The following HDAC4 variants were observed in gnomAD, a reference collection of about 807,000 sequenced individuals.
HDAC4 encodes histone deacetylase 4.
In HDAC4, 16 loss-of-function variants were observed where a neutral mutation model predicts 135.1. The observed-to-expected ratio is 0.12, with a 90% CI of 0.08 to 0.18. HDAC4 has a LOEUF of 0.18. Among genes scored for constraint, HDAC4 ranks in the 10% least tolerant of loss-of-function variants. HDAC4 has a pLI of 1.00. For missense variants in HDAC4, 1,143 were observed against 1,511.8 expected (o/e 0.76, Z 4.05); for synonymous variants, 685 against 653.4 (o/e 1.05, Z -0.74).
intron 2 of HDAC4, among the ~76,000 whole-genome samples, chr2:239,291,579 G>A (rs910619673): frequency 3.9e-5 from 6 of 152,356 alleles, no homozygotes; most frequent in African/African-American, 7.2e-5. Flanking sequence ...AGCAACCCAC[G>A]GTAGGGCCCG....
At position 239,115,042 on chromosome 2, in the gene HDAC4, C is replaced by T; in HGVS notation, c.1791+11G>A. The T allele has an allele frequency of 1.9e-6, 3 of 1,608,794 alleles. No individual in the cohort carries two copies. The highest frequency in any genetic ancestry group is 2.5e-6 in the Non-Finnish European group (3 of 1,179,686). ...TGCCAGCCTTCTGGTGCCCTCCCCG[C>T]CTGCGGTCACCTGTCTGAAGAGCAG... On this transcript the variant is annotated intron_variant, in intron 13 of 26. Transcript: ENST00000543185. This position sits in a 1 kb window ranked among gnomAD's most constrained non-coding sequence, Gnocchi z 6.3.
chr2:239,345,115 C>A lies in HDAC4; in HGVS notation c.22+7563G>T, dbSNP rs78255868. On this transcript the variant is annotated intron_variant, in intron 2 of 26. Transcript: ENST00000543185. ...TGCAAAGCCACTCTCAGCTCCCAGG[C>A]TTTCTCATTACCTCCCGCCACCTTG... Among the ~76,000 whole-genome samples the A allele has an allele frequency of 9.6e-3, 1,456 of 152,298 alleles. 31 individuals carry two copies. The highest frequency in any genetic ancestry group is 0.033 in the African/African-American group (1,365 of 41,554).
At chr2:239,271,948 T>C (rs999315247) in intron 2 of HDAC4, among the ~76,000 whole-genome samples, 1 of 152,170 alleles carries the variant, frequency 6.6e-6, no homozygotes, top group African/African-American at 2.4e-5. Context: ...CATCACAACC[T>C]GGCGCCAGAT....
intron 22 of HDAC4, 113 bp downstream of exon 22, chr2:239,080,982 C>A: frequency 2.5e-6 from 2 of 784,762 alleles, no homozygotes; most frequent in Non-Finnish European, 4.2e-6. Context: ...CCCACAGCCC[C>A]GTTCAGCCAC....
At chr2:239,065,977 C>T (rs146185358) in intron 24 of HDAC4, among the ~76,000 whole-genome samples, 31 of 152,338 alleles carry the variant, frequency 2.0e-4, no homozygotes, top group African/African-American at 7.0e-4. Context: ...TTGTGTCACA[C>T]ACTTCAGACA....
chr2:239,226,673 G>T (rs2047260947), intron 3 of HDAC4, among the ~76,000 whole-genome samples: 1 of 152,240 alleles, frequency 6.6e-6, no homozygotes, highest in Admixed American at 6.5e-5. Flanking sequence ...AATGGGGGGG[G>T]TGATAAATGT....
chr2:239,361,827 C>T (rs1217726132), intron 1 of HDAC4, among the ~76,000 whole-genome samples: 1 of 152,220 alleles, frequency 6.6e-6, no homozygotes, highest in African/African-American at 2.4e-5. Flanking sequence ...TTTAATAAGA[C>T]TTAAGCATGA....
Position 239,110,438 on chromosome 2 carries a change from T to C in HDAC4, c.1978+1088A>G, listed in dbSNP as rs554379635. The stretch of plus-strand genomic sequence containing the variant: ...TGGGGTCTCCCTTGTCTGAGCTGCA[T>C]TCTTTCAAGAACACACTTATTGCAG... On this transcript the variant is annotated intron_variant, in intron 14 of 26. Transcript: ENST00000543185. Among the ~76,000 whole-genome samples the C allele has an allele frequency of 1.2e-4, 18 of 152,350 alleles. No individual in the cohort carries two copies. In the East Asian group the frequency reaches 2.5e-3, roughly 21 times the overall value.
At chr2:239,270,968 T>G (rs996991319) in intron 2 of HDAC4, among the ~76,000 whole-genome samples, 5 of 152,188 alleles carry the variant, frequency 3.3e-5, no homozygotes, top group Non-Finnish European at 7.3e-5. Context: ...ATATCCTAAT[T>G]AGTTACAAAT....
rs896880943 is a variant in HDAC4, at chr2:239,157,060, C to A, written c.612-287G>T. On this transcript the variant is annotated intron_variant, in intron 6 of 26. Transcript: ENST00000543185. ...TCCTGGTGGCTGTTCTCCACCTGGC[C>A]CTGTCCTCTCAGATGGCTCCAGCCC... Among the ~76,000 whole-genome samples the A allele has an allele frequency of 3.3e-5, 5 of 152,326 alleles. No individual in the cohort carries two copies. In the East Asian group the frequency reaches 9.7e-4, roughly 29 times the overall value.
chr2:239,204,269 A>C (rs2045920752), intron 3 of HDAC4, among the ~76,000 whole-genome samples: 1 of 152,226 alleles, frequency 6.6e-6, no homozygotes, highest in African/African-American at 2.4e-5. Flanking sequence ...AGCCGACCAC[A>C]ATGCTGACCA....
chr2:239,132,679 G>A (rs988956597), intron 11 of HDAC4, among the ~76,000 whole-genome samples: 7 of 152,312 alleles, frequency 4.6e-5, no homozygotes, highest in Admixed American at 2.0e-4. Context: ...ATGCACACTC[G>A]ATATCCAGGT....
chr2:239,252,365 G>A (rs879574716), intron 2 of HDAC4, among the ~76,000 whole-genome samples: 15 of 152,324 alleles, frequency 9.8e-5, no homozygotes, highest in East Asian at 1.9e-4. Flanking sequence ...CTCACAAGCC[G>A]CAGTGCCACA....
chr2:239,292,678 G>C (rs112906147), intron 2 of HDAC4, among the ~76,000 whole-genome samples: 3,039 of 152,314 alleles, frequency 0.02, 41 homozygotes, highest in Non-Finnish European at 0.028. Flanking sequence ...TCATGAACTA[G>C]CAGACTAAGG....
At chr2:239,334,956 C>T (rs976509838) in intron 2 of HDAC4, among the ~76,000 whole-genome samples, 3 of 136,904 alleles carry the variant, frequency 2.2e-5, no homozygotes, top group African/African-American at 8.3e-5. Context: ...ACCTGGGAGG[C>T]GGAGCTTGCA....
At chr2:239,251,251 GAC>G (rs1318199152) in intron 2 of HDAC4, among the ~76,000 whole-genome samples, 1 of 152,214 alleles carries the variant, frequency 6.6e-6, no homozygotes, top group African/African-American at 2.4e-5. Context: ...AGATGGGGGA[GAC>G]ACACAGATGC....
chr2:239,085,418 T>C (rs1207636691), intron 19 of HDAC4, among the ~76,000 whole-genome samples: 2 of 152,130 alleles, frequency 1.3e-5, no homozygotes, highest in Non-Finnish European at 2.9e-5. Context: ...CGGGCTGGCA[T>C]GGGGAAGCCC....
chr2:239,337,381 G>A (rs1011762910), intron 2 of HDAC4, among the ~76,000 whole-genome samples: 7 of 152,046 alleles, frequency 4.6e-5, no homozygotes, highest in African/African-American at 1.7e-4. Flanking sequence ...GGACTCCCAC[G>A]CCACACATCG....
At chr2:239,201,499 C>G (rs1323558515) in intron 3 of HDAC4, among the ~76,000 whole-genome samples, 1 of 152,198 alleles carries the variant, frequency 6.6e-6, no homozygotes, top group Non-Finnish European at 1.5e-5. Context: ...GCCAGGCCCC[C>G]CTGTAATTAC....
Sources: allele counts gnomAD v4.1 joint callset (sites outside exome capture counted in the v4.1 genomes callset), GRCh38; gene constraint gnomAD v4.1.1; non-coding constraint Gnocchi (gnomAD v3.1); transcripts MANE v1.5; gene names NCBI Gene and HGNC (gene_info 2026-07-23, HGNC 2026-07-21).